Variants in ATG7 observed in about 807,000 individuals in gnomAD.
The protein encoded by ATG7 is ubiquitin-like modifier-activating enzyme ATG7.
A neutral mutation model predicts 82.4 loss-of-function variants in ATG7; 70 were observed. The observed-to-expected ratio is 0.85, with a 90% CI of 0.70 to 1.04. ATG7 has a LOEUF of 1.04. Ranked by LOEUF, ATG7 falls within the 50% of genes least tolerant of loss-of-function variation. The pLI, the probability that ATG7 is intolerant of heterozygous loss-of-function variation, is 0.00. For synonymous variants in ATG7, 287 were observed against 313.0 expected, an observed-to-expected ratio of 0.92 and a Z score of 0.88; for missense variants, 792 against 864.3, an observed-to-expected ratio of 0.92 and a Z score of 1.05.
intron 20 of ATG7, among the ~76,000 whole-genome samples, chr3:11,505,208 G>C (rs1219649811): frequency 6.6e-6 from 1 of 152,186 alleles, no homozygotes; most frequent in East Asian, 1.9e-4. Context: ...AAGAACAAAA[G>C]TGCTATGAGA....
chr3:11,549,308 G>C lies in ATG7; in HGVS notation c.2080-5503G>C, dbSNP rs548834196. ...TATCTTTATATCACATAGTGAAATG[G>C]TTACTACAGTCAAGGAAATTAACAC... On this transcript the variant is annotated intron_variant, in intron 20 of 20. Transcript: ENST00000693202. Among the ~76,000 whole-genome samples, 163 of 152,218 alleles carry C rather than the reference G, an allele frequency of 1.1e-3. 1 individual carries two copies. Among genetic ancestry groups the C allele is most frequent in the African/African-American group, 3.6e-3 (149 of 41,532 alleles).
chr3:11,575,606 G>A, the ATG7 span, among the ~76,000 whole-genome samples: 14 of 152,304 alleles, frequency 9.2e-5, no homozygotes, highest in East Asian at 5.8e-4. Context: ...CTTACCCAGC[G>A]GCAGCCGCTT....
At chr3:11,305,715 C>G (rs1947610594) in intron 5 of ATG7, among the ~76,000 whole-genome samples, 1 of 152,168 alleles carries the variant, frequency 6.6e-6, no homozygotes, top group Non-Finnish European at 1.5e-5. Context: ...AGAGAAGGTT[C>G]TGGCCATTGA....
chr3:11,449,619 C>G (rs2084912845), intron 20 of ATG7, among the ~76,000 whole-genome samples: 1 of 152,146 alleles, frequency 6.6e-6, no homozygotes, highest in Non-Finnish European at 1.5e-5. Context: ...CTCGCTAAAT[C>G]AAGCATCAGA....
At chr3:11,494,472 A>G (rs2090652486) in intron 20 of ATG7, among the ~76,000 whole-genome samples, 1 of 152,218 alleles carries the variant, frequency 6.6e-6, no homozygotes, top group African/African-American at 2.4e-5. Context: ...GTGTTAATTC[A>G]AAAGAAATCA....
intron 20 of ATG7, among the ~76,000 whole-genome samples, chr3:11,438,719 T>G (rs1345041703): frequency 6.6e-6 from 1 of 152,150 alleles, no homozygotes. Flanking sequence ...GGCAAATTAG[T>G]GCATTTGCTG....
chr3:11,352,133 A>G (rs1308884114), intron 14 of ATG7, among the ~76,000 whole-genome samples: 4 of 152,108 alleles, frequency 2.6e-5, no homozygotes, highest in Admixed American at 1.3e-4. Context: ...TAATTTGCTC[A>G]GAATGATGAT....
At chr3:11,408,250 C>T (rs1011346732) in intron 19 of ATG7, among the ~76,000 whole-genome samples, 1 of 152,212 alleles carries the variant, frequency 6.6e-6, no homozygotes, top group African/African-American at 2.4e-5. Flanking sequence ...GCAAAAGCCA[C>T]CTTTGTTCCA....
At chr3:11,292,088 C>T (rs941048249) in intron 3 of ATG7, among the ~76,000 whole-genome samples, 24 of 152,004 alleles carry the variant, frequency 1.6e-4, no homozygotes, top group African/African-American at 5.3e-4. Context: ...GAGCCTGGCA[C>T]GTAGCAGTGG....
intron 20 of ATG7, among the ~76,000 whole-genome samples, chr3:11,457,517 A>G (rs1020584344): frequency 1.3e-5 from 2 of 152,204 alleles, no homozygotes; most frequent in Non-Finnish European, 2.9e-5. Context: ...AGTACCTACA[A>G]AAATTGTTCT....
At chr3:11,352,741 AT>A (rs1314732559) in intron 14 of ATG7, among the ~76,000 whole-genome samples, 1 of 152,256 alleles carries the variant, frequency 6.6e-6, no homozygotes, top group Non-Finnish European at 1.5e-5. Flanking sequence ...ATAAGTAGAC[AT>A]TGCTCAGGAA....
intron 20 of ATG7, among the ~76,000 whole-genome samples, chr3:11,477,926 C>T (rs899941446): frequency 2.0e-5 from 3 of 152,186 alleles, no homozygotes; most frequent in Non-Finnish European, 4.4e-5. Context: ...ATCTTCTTAG[C>T]TTAACTCCAG....
At chr3:11,469,228 T>A (rs1421814674) in intron 20 of ATG7, among the ~76,000 whole-genome samples, 1 of 151,980 alleles carries the variant, frequency 6.6e-6, no homozygotes, top group Non-Finnish European at 1.5e-5. Flanking sequence ...GGCAGGTGGA[T>A]CACCTAAGGT....
chr3:11,486,337 TTGTC>T (rs1322862288), intron 20 of ATG7, among the ~76,000 whole-genome samples: 14 of 152,096 alleles, frequency 9.2e-5, no homozygotes, highest in Non-Finnish European at 1.8e-4. Flanking sequence ...ATTTGGCTGT[TTGTC>T]TGTTATTGCT....
At chr3:11,347,402 T>C (rs1338766852) in intron 13 of ATG7, among the ~76,000 whole-genome samples, 1 of 152,254 alleles carries the variant, frequency 6.6e-6, no homozygotes, top group African/African-American at 2.4e-5. Context: ...TACAAAATGT[T>C]CTAAAATATC....
chr3:11,377,770 CT>C (rs1559499670), intron 18 of ATG7, among the ~76,000 whole-genome samples: 2 of 152,148 alleles, frequency 1.3e-5, no homozygotes, highest in African/African-American at 4.8e-5. Flanking sequence ...AGGAGACTCA[CT>C]GTGAGTATTC....
At chr3:11,571,226 G>A in the ATG7 span, among the ~76,000 whole-genome samples, 8 of 152,150 alleles carry the variant, frequency 5.3e-5, no homozygotes, top group Admixed American at 2.6e-4. Context: ...GGCAGAGACT[G>A]TCTCTGCCTT....
intron 20 of ATG7, among the ~76,000 whole-genome samples, chr3:11,514,486 C>G (rs759211344): frequency 1.1e-4 from 16 of 152,248 alleles, no homozygotes; most frequent in Non-Finnish European, 2.1e-4. Context: ...TGAGATGTGG[C>G]TTCCTGTTCC....
intron 5 of ATG7, among the ~76,000 whole-genome samples, chr3:11,301,672 G>T (rs574158158): frequency 5.3e-5 from 8 of 152,132 alleles, no homozygotes; most frequent in Non-Finnish European, 5.9e-5. Flanking sequence ...TCTTGTTTTG[G>T]CAAACTAACT....
Sources: allele counts gnomAD v4.1 joint callset (sites outside exome capture counted in the v4.1 genomes callset), GRCh38; gene constraint gnomAD v4.1.1; transcripts MANE v1.5; gene names NCBI Gene and HGNC (gene_info 2026-07-23, HGNC 2026-07-21).